The following KANK1 variants were observed in gnomAD, a reference collection of about 807,000 sequenced individuals.
KANK1 encodes the protein KN motif and ankyrin repeat domain-containing protein 1.
KANK1 carries 109 observed loss-of-function variants against 106.2 expected under a neutral mutation model. The observed-to-expected ratio is 1.03, with a 90% CI of 0.88 to 1.20. The LOEUF (loss-of-function observed/expected upper bound fraction) is 1.20. Among genes scored for constraint, KANK1 ranks in the 50% most tolerant of loss-of-function variants. The probability of loss-of-function intolerance (pLI) is 0.00; values close to 1 mark genes in which losing one functional copy is unlikely to be tolerated. For synonymous variants in KANK1, 873 were observed against 652.2 expected (o/e 1.34, Z -5.16); for missense variants, 2,399 against 1,710.7 (o/e 1.40, Z -7.10).
intron 1 of KANK1, among the ~76,000 whole-genome samples, chr9:506,888 A>T (rs1193606994): frequency 6.6e-6 from 1 of 152,172 alleles, no homozygotes; most frequent in Non-Finnish European, 1.5e-5. Flanking sequence ...AGATGGAATA[A>T]CTATAGGGTG....
At chr9:625,451 G>T (rs143086478) in intron 1 of KANK1, among the ~76,000 whole-genome samples, 1 of 152,190 alleles carries the variant, frequency 6.6e-6, no homozygotes, top group East Asian at 1.9e-4. Flanking sequence ...CAAATCTTGG[G>T]CCTCCAAGAT....
chr9:572,180 A>T (rs1243497221), intron 1 of KANK1, among the ~76,000 whole-genome samples: 1 of 136,204 alleles, frequency 7.3e-6, no homozygotes, highest in African/African-American at 2.8e-5. Context: ...TCTAAGAGAC[A>T]GGGTCTTGCT....
intron 2 of KANK1, among the ~76,000 whole-genome samples, chr9:701,015 G>C (rs1246573022): frequency 3.3e-5 from 5 of 152,190 alleles, no homozygotes. Flanking sequence ...AGAGTATGTA[G>C]AAAGTATTGA....
chr9:569,239 T>C (rs1260417030), intron 1 of KANK1, among the ~76,000 whole-genome samples: 4 of 152,182 alleles, frequency 2.6e-5, no homozygotes, highest in Admixed American at 2.6e-4. Context: ...GTCTCCTATT[T>C]ATGGTCCCTC....
At position 519,929 on chromosome 9, in the gene KANK1, G is replaced by A. The variant is rs930398038; in HGVS notation, c.-84+15175G>A. Among the ~76,000 whole-genome samples the A allele has an allele frequency of 2.0e-5, 3 of 151,818 alleles. No individual in the cohort carries two copies. In the East Asian group the frequency reaches 5.8e-4, roughly 29 times the overall value. On this transcript the variant is annotated intron_variant, in intron 1 of 11. Coordinates refer to ENST00000382297, the MANE Select transcript of KANK1 (RefSeq NM_015158.5). ...TTAAAACAGCTTTAAAAATGAAGTGGTTTCATTACTCATATTAGTCTAGTT... is the reference window on the plus strand; with the variant it reads ...TTAAAACAGCTTTAAAAATGAAGTGATTTCATTACTCATATTAGTCTAGTT...
chr9:526,213 T>A (rs776108244), intron 1 of KANK1, among the ~76,000 whole-genome samples: 1 of 151,796 alleles, frequency 6.6e-6, no homozygotes, highest in Non-Finnish European at 1.5e-5. Flanking sequence ...GTGCTGTCTC[T>A]CAGGCATTTC....
intron 9 of KANK1, among the ~76,000 whole-genome samples, chr9:741,976 C>A (rs1274130612): frequency 6.6e-6 from 1 of 152,176 alleles, no homozygotes; most frequent in African/African-American, 2.4e-5. Context: ...ACTGAGACAT[C>A]CTCCACGCTA....
At chr9:706,766 T>C (rs1824313824) in intron 2 of KANK1, 30 of 985,246 alleles carry the variant, frequency 3.0e-5, no homozygotes, top group Middle Eastern at 5.2e-4. Context: ...AACCAGTGAG[T>C]GCTGCCCGGA....
intron 1 of KANK1, among the ~76,000 whole-genome samples, chr9:610,853 G>T (rs1383095922): frequency 6.6e-6 from 1 of 152,120 alleles, no homozygotes; most frequent in Non-Finnish European, 1.5e-5. Context: ...ATTTTTCTGG[G>T]AACTGAGACT....
In KANK1 at chr9:744,574, A is replaced by G. The variant is rs1836692817; in HGVS notation, c.3981A>G (p.Ala1327=). 4 of 1,614,186 alleles carry G rather than the reference A, an allele frequency of 2.5e-6. No homozygotes were observed. The highest frequency in any genetic ancestry group is 3.4e-6 in the Non-Finnish European group (4 of 1,180,034). ...AVLLYAHVNF[A]KAQSPGTPRL... ...TTCTGTATGCCCATGTCAACTTTGC[A>G]AAAGCCCAGTCTCCGGTCAGTGTTG... The change falls in exon 11 of 12, where the codon GCA becomes GCG. Residue 1327 remains alanine (A), a synonymous_variant. Coordinates refer to ENST00000382297, the MANE Select transcript of KANK1 (RefSeq NM_015158.5).
At chr9:505,465 C>T (rs575681116) in intron 1 of KANK1, among the ~76,000 whole-genome samples, 1 of 152,324 alleles carries the variant, frequency 6.6e-6, no homozygotes, top group East Asian at 1.9e-4. Flanking sequence ...GGCCCTGAAG[C>T]GGGCTGGTCC....
At position 623,210 on chromosome 9, in the gene KANK1, C is replaced by T. The variant is rs184308141; in HGVS notation, c.-83-53680C>T. Among the ~76,000 whole-genome samples the T allele has an allele frequency of 5.2e-3, 783 of 151,666 alleles. 5 individuals are homozygous for T. Among genetic ancestry groups the T allele is most frequent in the South Asian group, 6.9e-3 (33 of 4,814 alleles). ...TACGAGAAACTCGTACAACTCAATA[C>T]TAAAATAAAAAAAAAAGTGGAGGTG... On this transcript the variant is annotated intron_variant, in intron 1 of 11. Coordinates refer to ENST00000382297, the MANE Select transcript of KANK1 (RefSeq NM_015158.5).
chr9:558,068 C>A (rs144799199), intron 1 of KANK1, among the ~76,000 whole-genome samples: 1 of 152,074 alleles, frequency 6.6e-6, no homozygotes. Flanking sequence ...GAGTGAAGAT[C>A]GGATTAGTCA....
chr9:742,308 G>A lies in KANK1; in HGVS notation c.3800G>A (p.Gly1267Asp), dbSNP rs968032231. The change falls in exon 10 of 12, where the codon GGC (glycine) becomes GAC (aspartate). Residue 1267 changes from glycine (G) to aspartate (D), a missense_variant. Physicochemically the swap from Gly to Asp is moderately conservative, Grantham distance 94 (BLOSUM62 -1). Coordinates refer to ENST00000382297, the MANE Select transcript of KANK1 (RefSeq NM_015158.5). The stretch of plus-strand genomic sequence containing the variant: ...GATGTCAACATCCAGGATGACGAGG[G>A]CTCCACGGCCCTCATGTGTGCCAGC... ...GADVNIQDDE[G>D]STALMCASEH... 4 of 1,614,014 alleles carry A rather than the reference G, an allele frequency of 2.5e-6. No individual in the cohort carries two copies. The highest frequency in any genetic ancestry group is 1.3e-5 in the African/African-American group (1 of 74,940).
chr9:506,864 G>A (rs1377267974), intron 1 of KANK1, among the ~76,000 whole-genome samples: 1 of 152,214 alleles, frequency 6.6e-6, no homozygotes, highest in African/African-American at 2.4e-5. Context: ...GCTTGTGGGA[G>A]CTGAGGACTG....
rs1228248483 is a variant in KANK1, at chr9:587,151, G to GT, written c.-84+82404dup. On this transcript the variant is annotated intron_variant, in intron 1 of 11. Transcript: ENST00000382297. Reference sequence around the variant, plus strand: ...CCTTACATAATTAAGATAACATATCGTTTTTTTCTTTATAACTATCATGAA... The same window carrying GT: ...CCTTACATAATTAAGATAACATATCGTTTTTTTTCTTTATAACTATCATGAA... Among the ~76,000 whole-genome samples the GT allele has an allele frequency of 8.5e-5, 13 of 152,132 alleles. No individual in the cohort carries two copies. In the South Asian group the frequency reaches 1.0e-3, roughly 12 times the overall value.
chr9:568,974 T>TAC (rs1375842470), intron 1 of KANK1, among the ~76,000 whole-genome samples: 1 of 152,186 alleles, frequency 6.6e-6, no homozygotes, highest in Non-Finnish European at 1.5e-5. Context: ...TAGCTCACTG[T>TAC]AGACAGAGCT....
intron 1 of KANK1, among the ~76,000 whole-genome samples, chr9:602,753 G>C (rs1221993869): frequency 6.6e-6 from 1 of 151,852 alleles, no homozygotes; most frequent in Non-Finnish European, 1.5e-5. Flanking sequence ...AAATATTTTA[G>C]ATTGAAAGCC....
chr9:656,675 C>T (rs949686691), intron 1 of KANK1, among the ~76,000 whole-genome samples: 1 of 152,120 alleles, frequency 6.6e-6, no homozygotes, highest in African/African-American at 2.4e-5. Context: ...TGAACGTCAG[C>T]AGAACTCTTG....
Sources: gnomAD v4.1 joint callset for allele counts (sites outside exome capture counted in the v4.1 genomes callset) on GRCh38, gnomAD v4.1.1 for gene constraint, MANE v1.5 for transcripts, NCBI Gene and HGNC (gene_info 2026-07-23, HGNC 2026-07-21) for gene names.